SCCPDH: variants seen among roughly 807,000 people sequenced by gnomAD.
SCCPDH encodes saccharopine dehydrogenase (putative).
In SCCPDH, 34 loss-of-function variants were observed where a neutral mutation model predicts 51.5. That is an observed-to-expected ratio of 0.66 (90% CI 0.50 to 0.88). SCCPDH has a LOEUF of 0.88. Ranked by LOEUF, SCCPDH falls within the 40% of genes least tolerant of loss-of-function variation. SCCPDH has a pLI of 0.00. For missense variants in SCCPDH, 464 were observed against 527.1 expected (o/e 0.88, Z 1.17); for synonymous variants, 187 against 191.3 (o/e 0.98, Z 0.19).
At chr1:246,758,174 A>G (rs1668959201) in intron 5 of SCCPDH, 52 bp from the exon 6 acceptor site, 2 of 1,394,332 alleles carry the variant, frequency 1.4e-6, no homozygotes, top group Non-Finnish European at 1.9e-6. Flanking sequence ...TTGGCTTTAC[A>G]TTTTAGTAAC....
chr1:246,738,628 G>A (rs964025829), intron 3 of SCCPDH, among the ~76,000 whole-genome samples: 38 of 152,140 alleles, frequency 2.5e-4, no homozygotes, highest in African/African-American at 7.0e-4. Context: ...GCCGAGGCAC[G>A]TGGATCACCT....
intron 4 of SCCPDH, among the ~76,000 whole-genome samples, chr1:246,742,558 C>T (rs929275099): frequency 2.9e-4 from 44 of 152,276 alleles, no homozygotes; most frequent in African/African-American, 9.1e-4. Context: ...CCATCAGAAT[C>T]GCTCTAGTGA....
At chr1:246,754,361 G>A (rs192707198) in intron 5 of SCCPDH, among the ~76,000 whole-genome samples, 23 of 152,364 alleles carry the variant, frequency 1.5e-4, no homozygotes, top group Admixed American at 1.5e-3. Flanking sequence ...AGGCAGCGGG[G>A]CATGCCTCCT....
At chr1:246,757,344 CA>C (rs10649597) in intron 5 of SCCPDH, among the ~76,000 whole-genome samples, 1,060 of 77,412 alleles carry the variant, frequency 0.014, 5 homozygotes, top group African/African-American at 0.043. Context: ...GACTCTGTCT[CA>C]AAAAAAAAAA....
intron 5 of SCCPDH, among the ~76,000 whole-genome samples, chr1:246,755,143 A>C (rs1668911038): frequency 1.3e-5 from 2 of 152,258 alleles, no homozygotes; most frequent in African/African-American, 4.8e-5. Context: ...GGGACCATAA[A>C]GAAGACATAA....
chr1:246,734,919 A>G (rs979597299), intron 2 of SCCPDH, among the ~76,000 whole-genome samples: 4 of 152,256 alleles, frequency 2.6e-5, no homozygotes, highest in African/African-American at 9.6e-5. Flanking sequence ...GAAATCTAAT[A>G]TCATACAGGC....
chr1:246,759,066 G>A lies in SCCPDH; in HGVS notation c.728G>A (p.Gly243Asp). The A allele has an allele frequency of 6.2e-7, 1 of 1,611,050 alleles. No homozygotes were observed. The highest frequency in any genetic ancestry group is 8.5e-7 in the Non-Finnish European group (1 of 1,177,230). The part of the protein sequence containing the change: ...WPISYCRELK[G>D]YSIPFMGSDV... ...ATTTCTTATTGTCGGGAACTCAAAG[G>A]TTATTCCATTCCTTTTATGGGATCT... Residue 243 changes from glycine (G) to aspartate (D), a missense_variant, in exon 7 of 12, where the codon GGT becomes GAT. Transcript: ENST00000366510.
rs1396248528 is a variant in SCCPDH at position 246,724,479 on chromosome 1, C to T, written c.57C>T (p.Thr19=). ...HLVVFGASGF[T]GQFVTEEVAR... ...TGGTGTTCGGCGCGTCTGGCTTCAC[C>T]GGCCAGTTCGTGACCGAGGAGGTGG... Residue 19 remains threonine (T), a synonymous_variant, in exon 1 of 12, where the codon ACC becomes ACT. Transcript: ENST00000366510. The T allele has an allele frequency of 1.9e-6, 3 of 1,588,316 alleles. No individual in the cohort carries two copies. The highest frequency in any genetic ancestry group is 2.3e-5 in the East Asian group (1 of 42,570).
At chr1:246,742,458 T>C (rs1668695458) in intron 4 of SCCPDH, among the ~76,000 whole-genome samples, 2 of 152,216 alleles carry the variant, frequency 1.3e-5, no homozygotes. Flanking sequence ...TGGTCCACTT[T>C]TATTGGATTA....
At chr1:246,728,915 T>C (rs757241710) in intron 2 of SCCPDH, among the ~76,000 whole-genome samples, 6 of 152,326 alleles carry the variant, frequency 3.9e-5, no homozygotes, top group Middle Eastern at 3.4e-3. Flanking sequence ...GGTTCTTTTC[T>C]ATTTTCCCTA....
At chr1:246,760,682 A>G (rs1668999535) in intron 9 of SCCPDH, among the ~76,000 whole-genome samples, 1 of 152,120 alleles carries the variant, frequency 6.6e-6, no homozygotes, top group Non-Finnish European at 1.5e-5. Flanking sequence ...CCCCAACAAT[A>G]GGACTGCCTC....
chr1:246,741,406 C>T (rs1397594317), intron 4 of SCCPDH, among the ~76,000 whole-genome samples: 1 of 152,106 alleles, frequency 6.6e-6, no homozygotes. Flanking sequence ...AGGCAGTGCT[C>T]CCTCCACAAC....
intron 3 of SCCPDH, among the ~76,000 whole-genome samples, chr1:246,738,523 C>T (rs942429453): frequency 2.0e-5 from 3 of 150,064 alleles, no homozygotes; most frequent in African/African-American, 7.4e-5. Flanking sequence ...AAAAAAAAAC[C>T]CAGAGTATTT....
intron 5 of SCCPDH, among the ~76,000 whole-genome samples, chr1:246,755,156 T>G (rs1268438475): frequency 1.3e-5 from 2 of 152,210 alleles, no homozygotes; most frequent in African/African-American, 4.8e-5. Context: ...AGACATAAAT[T>G]GAAGGATCCA....
rs930898603 is a variant in SCCPDH at position 246,755,562 on chromosome 1, A to G, written c.565-2664A>G. The G allele has an allele frequency of 3.3e-5, 5 of 152,290 alleles. No homozygotes were observed. The South Asian group carries it at 8.3e-4, about 25-fold the overall frequency. The allele number at this position is 152,290 out of a possible 1,614,324, so 9.4% of individuals were successfully genotyped here. A position where few individuals can be genotyped will look rare whatever the true frequency, so the allele number is the denominator to read the frequency against. ...CAGAGCCGCCGTGACTAGTGGCCTA[A>G]GCAGGACGGCTGCTTTGGAATTAGG... On this transcript the variant is annotated intron_variant, in intron 5 of 11. Transcript: ENST00000366510.
At chr1:246,744,660 G>C (rs1668732059) in intron 5 of SCCPDH, among the ~76,000 whole-genome samples, 1 of 152,028 alleles carries the variant, frequency 6.6e-6, no homozygotes. Flanking sequence ...CTGTTGCCCA[G>C]ACTGGAGTGC....
At chr1:246,725,729 T>C (rs1668387952) in intron 1 of SCCPDH, among the ~76,000 whole-genome samples, 1 of 152,210 alleles carries the variant, frequency 6.6e-6, no homozygotes, top group Admixed American at 6.5e-5. Context: ...TATGAAAATA[T>C]ATGCTTCCAT....
intron 9 of SCCPDH, among the ~76,000 whole-genome samples, chr1:246,761,678 C>A (rs1303991847): frequency 6.6e-6 from 1 of 152,212 alleles, no homozygotes; most frequent in Non-Finnish European, 1.5e-5. Flanking sequence ...GCTTATTTCA[C>A]CTAGCGTAAG....
At chr1:246,739,079 ATG>A (rs1485444241) in intron 3 of SCCPDH, among the ~76,000 whole-genome samples, 1 of 151,746 alleles carries the variant, frequency 6.6e-6, no homozygotes, top group Non-Finnish European at 1.5e-5. Context: ...GTGTTTGTGT[ATG>A]TGCATGAATG....
Sources: gnomAD v4.1 joint callset for allele counts (sites outside exome capture counted in the v4.1 genomes callset) on GRCh38, gnomAD v4.1.1 for gene constraint, MANE v1.5 for transcripts, NCBI Gene and HGNC (gene_info 2026-07-23, HGNC 2026-07-21) for gene names.